The following VDAC1 variants were observed in gnomAD, a reference collection of about 807,000 sequenced individuals.
VDAC1 encodes the protein non-selective voltage-gated ion channel VDAC1.
Under a neutral mutation model 34.7 loss-of-function variants are expected in VDAC1, and 10 were observed. That is an observed-to-expected ratio of 0.29 (90% CI 0.18 to 0.49). VDAC1 has a LOEUF of 0.49. VDAC1 is among the 20% of genes least tolerant of loss of function. The pLI is 0.99. For missense variants in VDAC1, 230 were observed against 347.9 expected (o/e 0.66, Z 2.69); for synonymous variants, 130 against 136.0 (o/e 0.96, Z 0.30).
chr5:134,085,143 A>T, the VDAC1 span, among the ~76,000 whole-genome samples: 1 of 151,064 alleles, frequency 6.6e-6, no homozygotes, highest in Non-Finnish European at 1.5e-5. Flanking sequence ...ATCTCAGCTC[A>T]CTGCAAGCTC....
chr5:134,086,563 C>T, the VDAC1 span, among the ~76,000 whole-genome samples: 1 of 151,858 alleles, frequency 6.6e-6, no homozygotes, highest in South Asian at 2.1e-4. Flanking sequence ...CAGCTTTTGC[C>T]AAAGGAAAAA....
At chr5:133,985,221 G>A (rs577045394) in intron 5 of VDAC1, among the ~76,000 whole-genome samples, 18 of 152,294 alleles carry the variant, frequency 1.2e-4, no homozygotes, top group Non-Finnish European at 2.1e-4. Context: ...CAGCAGTTGG[G>A]AGTAGGTGTG....
At chr5:134,040,520 A>G in the VDAC1 span, among the ~76,000 whole-genome samples, 1 of 151,992 alleles carries the variant, frequency 6.6e-6, no homozygotes, top group Non-Finnish European at 1.5e-5. Context: ...GGTTGCAGTG[A>G]GCCGAGACCA....
chr5:133,992,386 G>A (rs1249776978), intron 2 of VDAC1, 31 bp from the exon 3 acceptor site: 6 of 1,525,792 alleles, frequency 3.9e-6, no homozygotes, highest in African/African-American at 1.4e-5. Context: ...CTGTCAATAG[G>A]TTAAATAACT....
chr5:134,039,168 G>A, the VDAC1 span, among the ~76,000 whole-genome samples: 3 of 152,066 alleles, frequency 2.0e-5, no homozygotes, highest in Non-Finnish European at 4.4e-5. Flanking sequence ...TTGCCTGTGG[G>A]CCAAGACCAA....
intron 5 of VDAC1, among the ~76,000 whole-genome samples, chr5:133,986,946 C>T (rs1316605442): frequency 1.3e-5 from 2 of 152,102 alleles, no homozygotes; most frequent in Non-Finnish European, 2.9e-5. Context: ...GAGTAAATGT[C>T]CATGCATCTA....
chr5:134,009,247 C>CTTTTTTT (rs869155174), upstream of VDAC1, among the ~76,000 whole-genome samples: 2 of 87,070 alleles, frequency 2.3e-5, no homozygotes, highest in Non-Finnish European at 4.7e-5. Flanking sequence ...TTTATCAATT[C>CTTTTTTT]TTTTTTTTTT....
upstream of VDAC1, chr5:134,005,620 G>C (rs1377420272): frequency 6.6e-6 from 1 of 152,206 alleles, no homozygotes; most frequent in African/African-American, 2.4e-5. Context: ...GTTATGGCCG[G>C]CCGGCCGACT....
At chr5:134,012,375 A>T in the VDAC1 span, among the ~76,000 whole-genome samples, 1 of 152,250 alleles carries the variant, frequency 6.6e-6, no homozygotes, top group Admixed American at 6.5e-5. Flanking sequence ...GGAAACTAAT[A>T]TACAACCTCT....
At position 133,980,861 on chromosome 5, in the gene VDAC1, C is replaced by A; in HGVS notation, c.419G>T (p.Gly140Val). The A allele has an allele frequency of 1.2e-6, 2 of 1,613,942 alleles. No homozygotes were observed. The highest frequency in any genetic ancestry group is 8.5e-7 in the Non-Finnish European group (1 of 1,179,962). Residue 140 changes from glycine (G) to valine (V), a missense_variant, in exon 6 of 9, where the codon GGT (glycine) becomes GTT (valine). Transcript: ENST00000265333. ...DFDIAGPSIR[G>V]ALVLGYEGWL... ...GCCCTCGTAACCTAGCACCAGAGCA[C>A]CCCGGATGGAAGGCCCAGCAATGTC...
the VDAC1 span, among the ~76,000 whole-genome samples, chr5:134,107,372 A>T: frequency 6.6e-6 from 1 of 152,150 alleles, no homozygotes. Flanking sequence ...GCCAGCTCTG[A>T]CTGCTAGACG....
the VDAC1 span, among the ~76,000 whole-genome samples, chr5:134,112,729 AAGGGCAT>A: frequency 6.6e-6 from 1 of 152,264 alleles, no homozygotes; most frequent in Non-Finnish European, 1.5e-5. Context: ...ATAAAGCAGT[AAGGGCAT>A]AATCCTTGAT....
At chr5:134,062,618 T>TAA in the VDAC1 span, among the ~76,000 whole-genome samples, 1 of 151,460 alleles carries the variant, frequency 6.6e-6, no homozygotes, top group Non-Finnish European at 1.5e-5. Flanking sequence ...TTTGTTTGTT[T>TAA]TTTGTTTTGT....
chr5:134,000,353 A>T (rs912545468), intron 1 of VDAC1, among the ~76,000 whole-genome samples: 3 of 152,208 alleles, frequency 2.0e-5, no homozygotes, highest in South Asian at 2.1e-4. Context: ...CAGCTGGGCC[A>T]CCACCAGCAC....
chr5:134,102,447 T>A, the VDAC1 span, among the ~76,000 whole-genome samples: 1 of 151,840 alleles, frequency 6.6e-6, no homozygotes. Context: ...GGTGGGCGGA[T>A]CACCTGAGGT....
chr5:133,999,129 A>C (rs1188326555), intron 1 of VDAC1, among the ~76,000 whole-genome samples: 1 of 152,248 alleles, frequency 6.6e-6, no homozygotes, highest in Non-Finnish European at 1.5e-5. Flanking sequence ...TGGGCAATAC[A>C]GTGAGACCCT....
At chr5:133,994,387 G>A (rs546423018) in intron 1 of VDAC1, among the ~76,000 whole-genome samples, 1 of 152,356 alleles carries the variant, frequency 6.6e-6, no homozygotes, top group Non-Finnish European at 1.5e-5. Context: ...AGAGCAGCGA[G>A]CTGTTTACTC....
chr5:134,103,055 C>A, the VDAC1 span, among the ~76,000 whole-genome samples: 1 of 152,210 alleles, frequency 6.6e-6, no homozygotes, highest in East Asian at 1.9e-4. Flanking sequence ...AGGGCCGGCT[C>A]AGCTCAGAGT....
chr5:134,022,955 C>G, the VDAC1 span, among the ~76,000 whole-genome samples: 1 of 152,040 alleles, frequency 6.6e-6, no homozygotes, highest in Non-Finnish European at 1.5e-5. Context: ...ACCATTTGAC[C>G]CTGCAATCTC....
Sources: allele counts gnomAD v4.1 joint callset (sites outside exome capture counted in the v4.1 genomes callset), GRCh38; gene constraint gnomAD v4.1.1; transcripts MANE v1.5; gene names NCBI Gene and HGNC (gene_info 2026-07-23, HGNC 2026-07-21).